Variants in WWOX observed in about 807,000 individuals in gnomAD.
The protein encoded by WWOX is WW domain containing oxidoreductase.
In WWOX, 69 loss-of-function variants were observed where a neutral mutation model predicts 46.2. The ratio of observed to expected loss-of-function variants is 1.49; its 90% CI spans 1.23 to 1.82. The LOEUF is 1.82. Among genes scored for constraint, WWOX ranks in the 40% most tolerant of loss-of-function variants. The probability of loss-of-function intolerance (pLI) is 0.00; values close to 1 mark genes in which losing one functional copy is unlikely to be tolerated. For missense variants in WWOX, 919 were observed against 542.6 expected (o/e 1.69, Z -6.89); for synonymous variants, 359 against 202.6 (o/e 1.77, Z -6.56).
chr16:78,765,418 C>T (rs1346637702), intron 8 of WWOX, among the ~76,000 whole-genome samples: 2 of 152,160 alleles, frequency 1.3e-5, no homozygotes, highest in Admixed American at 6.5e-5. Context: ...GTGGCTCATA[C>T]TTATAATCCC....
intron 5 of WWOX, among the ~76,000 whole-genome samples, chr16:78,217,111 C>T (rs1454638760): frequency 6.6e-6 from 1 of 152,194 alleles, no homozygotes; most frequent in Non-Finnish European, 1.5e-5. Flanking sequence ...ACCATATTCA[C>T]GGGTTTCAGG....
chr16:78,481,517 A>G (rs1056791466), intron 8 of WWOX, among the ~76,000 whole-genome samples: 12 of 152,158 alleles, frequency 7.9e-5, no homozygotes, highest in Admixed American at 4.6e-4. Flanking sequence ...GTTTATCATT[A>G]GCCCTGGGAG....
chr16:78,294,973 C>T (rs925003435), intron 5 of WWOX, among the ~76,000 whole-genome samples: 2 of 152,172 alleles, frequency 1.3e-5, no homozygotes, highest in Non-Finnish European at 2.9e-5. Context: ...GGATTTCACA[C>T]AAAGGCTCTA....
chr16:78,357,738 A>G (rs535943863), intron 5 of WWOX, among the ~76,000 whole-genome samples: 17 of 152,280 alleles, frequency 1.1e-4, no homozygotes, highest in Admixed American at 2.6e-4. Context: ...TGGGTGCTAC[A>G]TATTTATTAC....
chr16:79,024,987 A>G (rs1190679221), intron 8 of WWOX, among the ~76,000 whole-genome samples: 1 of 152,248 alleles, frequency 6.6e-6, no homozygotes, highest in Non-Finnish European at 1.5e-5. Flanking sequence ...GTTCAATCCT[A>G]GGACCTGAGC....
chr16:78,788,496 C>T (rs12598809), intron 8 of WWOX, among the ~76,000 whole-genome samples: 31,973 of 152,026 alleles, frequency 0.21, 3,544 homozygotes, highest in East Asian at 0.3. Flanking sequence ...CATGAAGCTC[C>T]CATAAAAACC....
chr16:78,983,553 C>G (rs1172242436), intron 8 of WWOX, among the ~76,000 whole-genome samples: 9 of 152,136 alleles, frequency 5.9e-5, no homozygotes. Flanking sequence ...AGTTGTGGGG[C>G]TAAATGTTCA....
At chr16:78,305,058 T>C (rs2080108103) in intron 5 of WWOX, among the ~76,000 whole-genome samples, 1 of 152,040 alleles carries the variant, frequency 6.6e-6, no homozygotes, top group South Asian at 2.1e-4. Context: ...ACTCAGGCAC[T>C]CACCCCACCC....
chr16:78,416,627 C>T (rs941960526), intron 6 of WWOX, among the ~76,000 whole-genome samples: 1 of 151,974 alleles, frequency 6.6e-6, no homozygotes, highest in African/African-American at 2.4e-5. Flanking sequence ...AATGTACAGG[C>T]AAGAATAAAA....
At chr16:79,055,505 C>T (rs1163324434) in intron 8 of WWOX, among the ~76,000 whole-genome samples, 2 of 152,148 alleles carry the variant, frequency 1.3e-5, no homozygotes, top group African/African-American at 4.8e-5. Flanking sequence ...AATGGCCAAC[C>T]TCCATCCATT....
chr16:79,111,596 A>T (rs2049417404), intron 8 of WWOX, among the ~76,000 whole-genome samples: 1 of 152,226 alleles, frequency 6.6e-6, no homozygotes, highest in South Asian at 2.1e-4. Context: ...AAAGTTAAAA[A>T]ATAAAAATAG....
Position 78,919,717 on chromosome 16 carries a change from A to G in WWOX, c.1057-291891A>G, listed in dbSNP as rs545811070. Among the ~76,000 whole-genome samples, 29 of 151,704 alleles carry G rather than the reference A, an allele frequency of 1.9e-4. 1 individual carries two copies. Among genetic ancestry groups the G allele is most frequent in the Non-Finnish European group, 3.2e-4 (22 of 67,924 alleles). ...ATTTTTAGGAGAGAGGGGTTTTACC[A>G]TATTGGCCCAGCTGGTCTCGAACTC... is the stretch of plus-strand genomic sequence containing the variant. On this transcript the variant is annotated intron_variant, in intron 8 of 8. Coordinates refer to ENST00000566780, the MANE Select transcript of WWOX (RefSeq NM_016373.4).
chr16:78,871,663 A>G (rs1479644686), intron 8 of WWOX, among the ~76,000 whole-genome samples: 1 of 152,180 alleles, frequency 6.6e-6, no homozygotes, highest in Non-Finnish European at 1.5e-5. Flanking sequence ...GCAGTAGTGC[A>G]ATTTCAGCTC....
At chr16:78,183,829 C>G (rs182164466) in intron 5 of WWOX, among the ~76,000 whole-genome samples, 38 of 152,288 alleles carry the variant, frequency 2.5e-4, no homozygotes, top group African/African-American at 8.7e-4. Context: ...AGATTTGTGT[C>G]ATTTTCAAAC....
At chr16:79,124,716 A>G (rs897973464) in intron 8 of WWOX, among the ~76,000 whole-genome samples, 1 of 152,214 alleles carries the variant, frequency 6.6e-6, no homozygotes, top group East Asian at 1.9e-4. Flanking sequence ...AGCAAAACAG[A>G]TGTGAAACAT....
At position 78,144,468 on chromosome 16, in the gene WWOX, C is replaced by CATAT. The variant is rs1215805172; in HGVS notation, c.410-19699_410-19696dup. 1.9e-3 allele frequency among the ~76,000 whole-genome samples: 28 copies of CATAT among 14,454 alleles called. 2 individuals are homozygous for CATAT. Among genetic ancestry groups the CATAT allele is most frequent in the Admixed American group, 9.6e-3 (7 of 728 alleles). The allele number at this position is 14,454 out of a possible 152,430, so 9.5% of individuals were successfully genotyped here. On this transcript the variant is annotated intron_variant, in intron 4 of 8. Transcript: ENST00000566780. ...ATATACACATATATATATATACACA[C>CATAT]ATATATATATATATATATACACACA...
At chr16:79,100,832 A>G (rs2049177469) in intron 8 of WWOX, among the ~76,000 whole-genome samples, 1 of 151,958 alleles carries the variant, frequency 6.6e-6, no homozygotes, top group African/African-American at 2.4e-5. Context: ...GGAGCACACG[A>G]GATCCTTTTA....
intron 8 of WWOX, among the ~76,000 whole-genome samples, chr16:78,626,132 A>AT (rs143934809): frequency 0.016 from 2,337 of 147,512 alleles, 50 homozygotes; most frequent in African/African-American, 0.055. Flanking sequence ...ACTTTTATTT[A>AT]TTTTTTTTTT....
chr16:78,844,376 A>C (rs2052242347), intron 8 of WWOX, among the ~76,000 whole-genome samples: 1 of 152,170 alleles, frequency 6.6e-6, no homozygotes, highest in Non-Finnish European at 1.5e-5. Context: ...TGGGATGGGA[A>C]ATAAATTCTT....
Sources: gnomAD v4.1 joint callset for allele counts (sites outside exome capture counted in the v4.1 genomes callset) on GRCh38, gnomAD v4.1.1 for gene constraint, MANE v1.5 for transcripts, NCBI Gene and HGNC (gene_info 2026-07-23, HGNC 2026-07-21) for gene names.